Variants in TRIOBP observed in about 807,000 individuals in gnomAD.
TRIOBP encodes TRIO and F-actin binding protein, also known as TRIO and F-actin-binding protein.
TRIOBP carries 169 observed loss-of-function variants against 238.8 expected under a neutral mutation model. The ratio of observed to expected loss-of-function variants is 0.71; its 90% CI spans 0.62 to 0.80. The LOEUF is 0.80. TRIOBP is among the 30% of genes least tolerant of loss of function. TRIOBP has a pLI of 0.00. For synonymous variants in TRIOBP, 1,150 were observed against 1,274.4 expected (o/e 0.90, Z 2.08); for missense variants, 2,838 against 3,122.6 (o/e 0.91, Z 2.17).
chr22:37,772,384 G>A (rs141766459), intron 22 of TRIOBP, among the ~76,000 whole-genome samples: 19 of 152,250 alleles, frequency 1.2e-4, no homozygotes, highest in East Asian at 5.8e-4. Context: ...CTTCTCCCCC[G>A]AAACAGGATG....
chr22:37,717,020 G>A (rs184767546), intron 6 of TRIOBP, among the ~76,000 whole-genome samples: 25 of 152,266 alleles, frequency 1.6e-4, no homozygotes, highest in South Asian at 4.1e-4. Flanking sequence ...AGAATGAAGC[G>A]GCAGACCCTC....
chr22:37,738,677 C>A lies in TRIOBP; in HGVS notation c.5142C>A (p.Ser1714Arg). ...QPEEPEESEP[S>R]RGQDPLTDQK... ...AGGAGCCTGAGGAGTCAGAACCAAG[C>A]AGAGGCCAAGACCCCCTGACTGACC... The change falls in exon 10 of 24, where the codon AGC (serine) becomes AGA (arginine). Residue 1714 changes from serine to arginine, a missense_variant. This residue lies in a region of TRIOBP where 2,096 missense variants were observed against 2,137.4 expected (regional missense o/e 0.98). Coordinates refer to ENST00000644935, the MANE Select transcript of TRIOBP (RefSeq NM_001039141.3). 6.2e-7 allele frequency: 1 copy of A among 1,613,860 alleles called. No homozygotes were observed. Among genetic ancestry groups the A allele is most frequent in the Non-Finnish European group, 8.5e-7 (1 of 1,179,942 alleles).
intron 15 of TRIOBP, among the ~76,000 whole-genome samples, chr22:37,756,316 C>T (rs1925917625): frequency 5.9e-5 from 9 of 152,168 alleles, no homozygotes; most frequent in Admixed American, 5.9e-4. Context: ...TAAAAATCAG[C>T]TGGCCGTGGT....
At chr22:37,751,090 C>T in intron 11 of TRIOBP, 1 of 426,904 alleles carries the variant, frequency 2.3e-6, no homozygotes, top group South Asian at 1.8e-5. Context: ...GGATGAGCAA[C>T]TTCTTTATCT....
At chr22:37,713,901 C>T (rs1254647051) in intron 5 of TRIOBP, among the ~76,000 whole-genome samples, 1 of 152,212 alleles carries the variant, frequency 6.6e-6, no homozygotes, top group Non-Finnish European at 1.5e-5. Context: ...CCAGCATTTG[C>T]ATTTTGAGGG....
At chr22:37,759,416 G>T in intron 17 of TRIOBP, 152 bp downstream of exon 17, 2 of 1,293,920 alleles carry the variant, frequency 1.5e-6, no homozygotes, top group Non-Finnish European at 1.1e-6. Context: ...TCTCCCCACA[G>T]CTGGTGGGCG....
rs1476976797 is a variant in TRIOBP at position 37,735,333 on chromosome 22, AGAT to A, written c.4998_5000del (p.Lys1666_Ile1667delinsAsn). The stretch of plus-strand genomic sequence containing the variant: ...GCCTGCACCTCCACCCAGTGGCCAA[AGAT>A]CAAAGTGACAAGAGGACCAGCGACC... On this transcript the variant is annotated inframe_deletion, in exon 9 of 24. Transcript: ENST00000644935. The A allele has an allele frequency of 6.2e-7, 1 of 1,613,290 alleles. No homozygotes were observed. The highest frequency in any genetic ancestry group is 8.5e-7 in the Non-Finnish European group (1 of 1,179,782).
chr22:37,743,081 AG>A lies in TRIOBP; in HGVS notation c.5322+2050del, dbSNP rs541130177. Among the ~76,000 whole-genome samples, 398 of 152,276 alleles carry A rather than the reference AG, an allele frequency of 2.6e-3. 4 individuals carry two copies. Among genetic ancestry groups the A allele is most frequent in the Non-Finnish European group, 4.6e-3 (314 of 68,008 alleles). The stretch of plus-strand genomic sequence containing the variant: ...CTCTGAGCCCTCCTGCAGCTCTGGG[AG>A]TCCCCACAGATTTTCCCCATTAGAA... On this transcript the variant is annotated intron_variant, in intron 11 of 23. Coordinates refer to ENST00000644935, the MANE Select transcript of TRIOBP (RefSeq NM_001039141.3).
intron 9 of TRIOBP, 65 bp from the exon 10 acceptor site, chr22:37,738,577 G>T: frequency 6.7e-7 from 1 of 1,482,772 alleles, no homozygotes; most frequent in South Asian, 1.2e-5. Flanking sequence ...GATGGATGAG[G>T]TGGACAGATG....
intron 11 of TRIOBP, among the ~76,000 whole-genome samples, chr22:37,742,510 G>A (rs1436567528): frequency 2.0e-5 from 3 of 152,132 alleles, no homozygotes; most frequent in Non-Finnish European, 2.9e-5. Flanking sequence ...TGATCCGCCC[G>A]CCCTGGCCTC....
At position 37,725,517 on chromosome 22, in the gene TRIOBP, C is replaced by A; in HGVS notation, c.2961C>A (p.Ser987Arg). 5 of 1,613,716 alleles carry A rather than the reference C, an allele frequency of 3.1e-6. No individual in the cohort carries two copies. The highest frequency in any genetic ancestry group is 3.4e-6 in the Non-Finnish European group (4 of 1,180,002). ...TSSSHNPGHQ[S>R]TSRTSSPVYP... is the part of the protein sequence containing the mutation. ...CCTCCCATAACCCAGGCCACCAGAG[C>A]ACCTCCCGAACTTCCTCACCTGTGT... is the stretch of plus-strand genomic sequence containing the variant. The change falls in exon 7 of 24, where the codon AGC becomes AGA. Residue 987 changes from serine (S) to arginine (R), a missense_variant. Physicochemically the swap from Ser to Arg is moderately radical, Grantham distance 110. Coordinates refer to ENST00000644935, the MANE Select transcript of TRIOBP (RefSeq NM_001039141.3).
At chr22:37,698,883 C>T (rs1392609898) in intron 2 of TRIOBP, among the ~76,000 whole-genome samples, 4 of 152,102 alleles carry the variant, frequency 2.6e-5, no homozygotes, top group Admixed American at 6.5e-5. Context: ...TGCAGTGGCT[C>T]ACACCTGTAA....
chr22:37,739,237 C>T (rs1432945380), intron 10 of TRIOBP, among the ~76,000 whole-genome samples: 1 of 152,122 alleles, frequency 6.6e-6, no homozygotes, highest in Non-Finnish European at 1.5e-5. Context: ...TCTGCCCGCC[C>T]CTCCCCGTGA....
chr22:37,701,679 T>C (rs539058585), intron 3 of TRIOBP, among the ~76,000 whole-genome samples, 200 bp downstream of exon 3: 1 of 152,378 alleles, frequency 6.6e-6, no homozygotes, highest in African/African-American at 2.4e-5. Flanking sequence ...CTCCTGCTTA[T>C]ATGATACGAT....
chr22:37,726,619 C>T (rs1472753785), intron 7 of TRIOBP, 116 bp downstream of exon 7: 10 of 1,120,846 alleles, frequency 8.9e-6, no homozygotes, highest in Non-Finnish European at 1.2e-5. Flanking sequence ...TGCCATTTAC[C>T]GGCTGTGTGA....
chr22:37,715,688 C>G, intron 5 of TRIOBP, 75 bp from the exon 6 acceptor site: 1 of 1,531,910 alleles, frequency 6.5e-7, no homozygotes, highest in South Asian at 1.2e-5. Context: ...CCTTCTGCCC[C>G]TCTCATTTGG....
At chr22:37,727,720 A>AAAG (rs1924242485) in intron 7 of TRIOBP, among the ~76,000 whole-genome samples, 1 of 152,170 alleles carries the variant, frequency 6.6e-6, no homozygotes, top group African/African-American at 2.4e-5. Flanking sequence ...TTTAAGAAAG[A>AAAG]AAGCTCACAG....
In TRIOBP at chr22:37,738,681, G is replaced by T. The variant is rs1201903395; in HGVS notation, c.5146G>T (p.Gly1716Cys). The T allele has an allele frequency of 6.2e-7, 1 of 1,613,974 alleles. No individual in the cohort carries two copies. Among genetic ancestry groups the T allele is most frequent in the South Asian group, 1.1e-5 (1 of 91,076 alleles). Residue 1716 changes from glycine to cysteine, a missense_variant, in exon 10 of 24, where the codon GGC becomes TGC. Transcript: ENST00000644935. The part of the protein sequence containing the change: ...EEPEESEPSR[G>C]QDPLTDQKQA... ...GCCTGAGGAGTCAGAACCAAGCAGAGGCCAAGACCCCCTGACTGACCAGAA... is the reference window on the plus strand; with the variant it reads ...GCCTGAGGAGTCAGAACCAAGCAGATGCCAAGACCCCCTGACTGACCAGAA...
At position 37,772,638 on chromosome 22, in the gene TRIOBP, A is replaced by G. The variant is rs186161850; in HGVS notation, c.6974A>G (p.Tyr2325Cys). The G allele has an allele frequency of 4.5e-5, 72 of 1,614,162 alleles. No homozygotes were observed. The highest frequency in any genetic ancestry group is 2.3e-4 in the Admixed American group (14 of 60,034). Residue 2325 changes from tyrosine to cysteine, a missense_variant, in exon 23 of 24, where the codon TAT (tyrosine) becomes TGT (cysteine). Around this residue, in one of 5 missense-constraint regions of TRIOBP, gnomAD observed 2,096 missense variants for 2,137.4 expected, o/e 0.98. Transcript: ENST00000644935. ...ACCTCGGGAAAGTACCAGGACGTCT[A>G]TGTGGAGCTGAGCCACATCAAGACA... ...RFTSGKYQDV[Y>C]VELSHIKTRS...
Sources: allele counts gnomAD v4.1 joint callset (sites outside exome capture counted in the v4.1 genomes callset), GRCh38; gene constraint gnomAD v4.1.1; regional missense constraint gnomAD v4.1.1; transcripts MANE v1.5; gene names NCBI Gene and HGNC (gene_info 2026-07-23, HGNC 2026-07-21).